VEZT: variants seen among roughly 807,000 people sequenced by gnomAD.
VEZT encodes the protein vezatin, adherens junctions transmembrane protein, also known as vezatin.
In VEZT, 39 loss-of-function variants were observed where a neutral mutation model predicts 79.9. The ratio of observed to expected loss-of-function variants is 0.49; its 90% CI spans 0.38 to 0.64. The LOEUF is 0.64. VEZT is among the 30% of genes least tolerant of loss of function. The probability of loss-of-function intolerance (pLI) is 0.00; values close to 1 mark genes in which losing one functional copy is unlikely to be tolerated. For missense variants in VEZT, 837 were observed against 893.1 expected, an observed-to-expected ratio of 0.94 and a Z score of 0.80; for synonymous variants, 325 against 327.6, an observed-to-expected ratio of 0.99 and a Z score of 0.09.
At chr12:95,221,533 C>CAA (rs35316329) in intron 1 of VEZT, among the ~76,000 whole-genome samples, 10 of 141,450 alleles carry the variant, frequency 7.1e-5, no homozygotes, top group East Asian at 4.0e-4. Flanking sequence ...GATTCCATCT[C>CAA]AAAAAAAAAA....
At position 95,302,190 on chromosome 12, in the gene VEZT, G is replaced by A. The variant is rs2075285619; in HGVS notation, c.*1517G>A. 6.6e-6 allele frequency: 1 copy of A among 151,784 alleles called. No homozygotes were observed. Among genetic ancestry groups the A allele is most frequent in the Non-Finnish European group, 1.5e-5 (1 of 67,908 alleles). The allele number at this position is 151,784 out of a possible 1,614,324, so 9.4% of individuals were successfully genotyped here. On this transcript the variant is annotated 3_prime_UTR_variant, in exon 12 of 12. Transcript: ENST00000436874. ...TAGTTTACCGACTTCATTTTTCTTT[G>A]GATTTAGAAGAAGCAATTATGGAAA...
At chr12:95,248,545 G>A (rs934310683) in intron 1 of VEZT, among the ~76,000 whole-genome samples, 9 of 152,096 alleles carry the variant, frequency 5.9e-5, no homozygotes, top group African/African-American at 2.2e-4. Flanking sequence ...AAGGACGTTG[G>A]GGTCACTGAT....
intron 7 of VEZT, among the ~76,000 whole-genome samples, chr12:95,275,455 C>T (rs538009175): frequency 1.4e-4 from 22 of 152,074 alleles, no homozygotes; most frequent in African/African-American, 5.3e-4. Context: ...CAAAAATTAG[C>T]TGGGTGCAGT....
intron 5 of VEZT, among the ~76,000 whole-genome samples, chr12:95,268,508 A>G (rs939470185): frequency 6.6e-6 from 1 of 152,228 alleles, no homozygotes; most frequent in African/African-American, 2.4e-5. Context: ...AAAAACAAAA[A>G]AAAAGTAATA....
chr12:95,251,570 G>A (rs575547556), intron 1 of VEZT, among the ~76,000 whole-genome samples: 14 of 152,142 alleles, frequency 9.2e-5, no homozygotes, highest in Admixed American at 5.2e-4. Flanking sequence ...TAATAACATT[G>A]TCGTTTGAGT....
At chr12:95,292,392 G>A (rs1177988858) in intron 9 of VEZT, among the ~76,000 whole-genome samples, 2 of 151,870 alleles carry the variant, frequency 1.3e-5, no homozygotes, top group African/African-American at 2.4e-5. Flanking sequence ...CTCGATATAT[G>A]GTGTCACCAT....
At chr12:95,233,196 C>CT (rs888949552) in intron 1 of VEZT, among the ~76,000 whole-genome samples, 73 of 148,090 alleles carry the variant, frequency 4.9e-4, no homozygotes, top group East Asian at 1.4e-3. Context: ...TTTTCTTTTT[C>CT]TTTTTTTTTT....
chr12:95,225,363 G>T (rs950055148), intron 1 of VEZT, among the ~76,000 whole-genome samples: 10 of 152,052 alleles, frequency 6.6e-5, no homozygotes, highest in Non-Finnish European at 1.5e-5. Flanking sequence ...GACCTTCCTG[G>T]CTAATGCTGT....
intron 8 of VEZT, among the ~76,000 whole-genome samples, chr12:95,285,926 G>A (rs1284754323): frequency 6.8e-6 from 1 of 147,050 alleles, no homozygotes. Context: ...TCATTAGAGT[G>A]TAGTTATTTT....
rs766250527 is a variant in VEZT at position 95,252,085 on chromosome 12, C to T, written c.168+14C>T. 24 of 1,597,144 alleles carry T rather than the reference C, an allele frequency of 1.5e-5. 1 individual carries two copies. The Admixed American group carries it at 4.1e-4, about 27-fold the overall frequency. On this transcript the variant is annotated intron_variant, in intron 2 of 11. Transcript: ENST00000436874. ...GTCCTACCAAAAGTAAGAACGCATG[C>T]TCATTCTTTCTGGCCGAATCTTTTG...
chr12:95,256,597 G>T (rs1463510026), intron 2 of VEZT: 11 of 1,289,430 alleles, frequency 8.5e-6, no homozygotes, highest in Non-Finnish European at 1.0e-5. Flanking sequence ...GCACTTACTG[G>T]CATGCTCAAG....
At chr12:95,265,590 A>C (rs908898571) in intron 4 of VEZT, among the ~76,000 whole-genome samples, 1 of 151,524 alleles carries the variant, frequency 6.6e-6, no homozygotes, top group Non-Finnish European at 1.5e-5. Flanking sequence ...TATATTTTTT[A>C]TTTTTTTAAA....
At chr12:95,231,058 T>C (rs2059209231) in intron 1 of VEZT, among the ~76,000 whole-genome samples, 1 of 152,250 alleles carries the variant, frequency 6.6e-6, no homozygotes, top group Admixed American at 6.5e-5. Context: ...TGTACTGTTG[T>C]ATAAAAAATC....
At chr12:95,274,972 C>T (rs999833459) in intron 7 of VEZT, 83 bp downstream of exon 7, 40 of 1,477,206 alleles carry the variant, frequency 2.7e-5, no homozygotes, top group Admixed American at 1.3e-4. Context: ...GTAAATAGTG[C>T]GTTTGTTCCA....
At chr12:95,274,998 A>G (rs1593848245) in intron 7 of VEZT, 109 bp downstream of exon 7, 1 of 1,327,244 alleles carries the variant, frequency 7.5e-7, no homozygotes, top group Non-Finnish European at 1.0e-6. Flanking sequence ...TGTTTGCTGC[A>G]TACCATCATC....
chr12:95,257,275 T>A (rs1040153488), intron 3 of VEZT, 36 bp downstream of exon 3: 2 of 1,465,786 alleles, frequency 1.4e-6, no homozygotes, highest in African/African-American at 2.8e-5. Context: ...TTTTCAGGGT[T>A]CTAGGTTATT....
intron 1 of VEZT, among the ~76,000 whole-genome samples, chr12:95,250,392 TC>T (rs1463565279): frequency 1.3e-5 from 2 of 151,032 alleles, no homozygotes; most frequent in East Asian, 3.9e-4. Flanking sequence ...AACCTCCACT[TC>T]CCAGGTTCAA....
chr12:95,267,165 G>C (rs1378616586), intron 5 of VEZT, among the ~76,000 whole-genome samples: 1 of 152,180 alleles, frequency 6.6e-6, no homozygotes, highest in African/African-American at 2.4e-5. Flanking sequence ...CAGTCTAGCT[G>C]TAAGTATATT....
chr12:95,247,044 C>T (rs139690767), intron 1 of VEZT, among the ~76,000 whole-genome samples: 1 of 152,186 alleles, frequency 6.6e-6, no homozygotes, highest in African/African-American at 2.4e-5. Context: ...AGAACAGTTG[C>T]AATAGGGAGC....
Sources: gnomAD v4.1 joint callset for allele counts (sites outside exome capture counted in the v4.1 genomes callset) on GRCh38, gnomAD v4.1.1 for gene constraint, MANE v1.5 for transcripts, NCBI Gene and HGNC (gene_info 2026-07-23, HGNC 2026-07-21) for gene names.